Variants in NR6A1 observed in about 807,000 individuals in gnomAD.
The protein encoded by NR6A1 is nuclear receptor subfamily 6 group A member 1.
A neutral mutation model predicts 59.1 loss-of-function variants in NR6A1; 7 were observed. The observed-to-expected ratio is 0.12, with a 90% confidence interval of 0.07 to 0.22. The LOEUF (loss-of-function observed/expected upper bound fraction) is 0.22, where lower values mean the gene tolerates loss of function less well. Among genes scored for constraint, NR6A1 ranks in the 10% least tolerant of loss-of-function variants. The pLI, the probability that NR6A1 is intolerant of heterozygous loss-of-function variation, is 1.00. For missense variants in NR6A1, 468 were observed against 611.6 expected (o/e 0.77, Z 2.48); for synonymous variants, 243 against 236.1 (o/e 1.03, Z -0.27).
At chr9:124,564,033 G>C (rs1834161153) in intron 2 of NR6A1, among the ~76,000 whole-genome samples, 1 of 152,164 alleles carries the variant, frequency 6.6e-6, no homozygotes, top group African/African-American at 2.4e-5. Context: ...AGCTCTGACT[G>C]TGGCACTGTA....
intron 1 of NR6A1, among the ~76,000 whole-genome samples, chr9:124,760,039 C>CAA (rs1174587797): frequency 5.9e-4 from 57 of 97,184 alleles, no homozygotes; most frequent in African/African-American, 1.9e-3. Flanking sequence ...GACTCCATCT[C>CAA]AAAAAAAAAA....
Position 124,687,140 on chromosome 9 carries a change from G to A in NR6A1, c.142+46168C>T, listed in dbSNP as rs10986396. ...TTTTTCTTTCCTTTTAAGAGATCAGGTCAGGTCACACTCTGTCACTCAGGC... is the reference window on the plus strand; with the variant it reads ...TTTTTCTTTCCTTTTAAGAGATCAGATCAGGTCACACTCTGTCACTCAGGC... On this transcript the variant is annotated intron_variant, in intron 2 of 9. Coordinates refer to ENST00000487099, the MANE Select transcript of NR6A1 (RefSeq NM_033334.4). Among the ~76,000 whole-genome samples, 527 of 151,146 alleles carry A rather than the reference G, an allele frequency of 3.5e-3. 1 individual carries two copies. Among genetic ancestry groups the A allele is most frequent in the Non-Finnish European group, 5.7e-3 (388 of 67,890 alleles).
chr9:124,529,576 T>C (rs146045962), intron 7 of NR6A1, among the ~76,000 whole-genome samples: 1 of 152,222 alleles, frequency 6.6e-6, no homozygotes, highest in Non-Finnish European at 1.5e-5. Context: ...ATTCCAAGCA[T>C]ATGGACTTTT....
At chr9:124,730,461 CT>C (rs1380476936) in intron 2 of NR6A1, among the ~76,000 whole-genome samples, 1 of 151,956 alleles carries the variant, frequency 6.6e-6, no homozygotes, top group Non-Finnish European at 1.5e-5. Context: ...ACTCCTGATC[CT>C]GGGCTCAAAT....
intron 2 of NR6A1, among the ~76,000 whole-genome samples, chr9:124,595,370 T>C (rs959889785): frequency 1.3e-5 from 2 of 152,250 alleles, no homozygotes; most frequent in African/African-American, 4.8e-5. Flanking sequence ...CTTTGGCAGA[T>C]AGCGAACTGG....
intron 3 of NR6A1, among the ~76,000 whole-genome samples, chr9:124,549,773 T>C (rs1833713982): frequency 6.6e-6 from 1 of 152,218 alleles, no homozygotes; most frequent in South Asian, 2.1e-4. Flanking sequence ...CCTCCTCCTT[T>C]TAACAATGGA....
intron 2 of NR6A1, among the ~76,000 whole-genome samples, chr9:124,638,489 C>A (rs1220531667): frequency 6.6e-6 from 1 of 152,078 alleles, no homozygotes; most frequent in Non-Finnish European, 1.5e-5. Flanking sequence ...GACAGAGTTC[C>A]CAAAGCAAAG....
At chr9:124,618,718 G>C (rs149460762) in intron 2 of NR6A1, among the ~76,000 whole-genome samples, 1 of 152,246 alleles carries the variant, frequency 6.6e-6, no homozygotes, top group African/African-American at 2.4e-5. Context: ...ATCAAGAGGC[G>C]AGACACAACA....
chr9:124,557,384 C>A (rs1232445516), intron 2 of NR6A1, among the ~76,000 whole-genome samples: 2 of 152,064 alleles, frequency 1.3e-5, no homozygotes, highest in East Asian at 3.9e-4. Flanking sequence ...CCACCCACCT[C>A]GGCCTCCCAA....
chr9:124,648,998 G>A (rs776522529), intron 2 of NR6A1, among the ~76,000 whole-genome samples: 3 of 151,902 alleles, frequency 2.0e-5, no homozygotes, highest in Admixed American at 6.6e-5. Context: ...AAAGTGAAAG[G>A]ATATTGTTAA....
At chr9:124,562,860 T>A (rs183895900) in intron 2 of NR6A1, among the ~76,000 whole-genome samples, 1 of 152,184 alleles carries the variant, frequency 6.6e-6, no homozygotes, top group African/African-American at 2.4e-5. Context: ...CAGAGCACCA[T>A]TGACATGTGT....
At chr9:124,760,357 T>A (rs1261828151) in intron 1 of NR6A1, among the ~76,000 whole-genome samples, 3 of 151,940 alleles carry the variant, frequency 2.0e-5, no homozygotes, top group Non-Finnish European at 4.4e-5. Context: ...AAAGCCAGCA[T>A]GAGAGAAAAG....
chr9:124,519,042 GAACA>G lies in NR6A1; in HGVS notation c.*3659_*3662del, dbSNP rs2131304455. ...CAGTCCCATTCCCCCAGGAAATCAA[GAACA>G]AACAAACAAATGTAGGAAATGGGTA... is the stretch of plus-strand genomic sequence containing the variant. On this transcript the variant is annotated 3_prime_UTR_variant, in exon 10 of 10. Coordinates refer to ENST00000487099, the MANE Select transcript of NR6A1 (RefSeq NM_033334.4). 6.6e-6 allele frequency: 1 copy of G among 152,268 alleles called. No homozygotes were observed. Among genetic ancestry groups the G allele is most frequent in the Admixed American group, 6.5e-5 (1 of 15,286 alleles). 9.4% of individuals were successfully genotyped at this position (152,268 alleles called of 1,614,324 possible).
intron 2 of NR6A1, among the ~76,000 whole-genome samples, chr9:124,597,392 TG>T (rs2130813278): frequency 6.7e-6 from 1 of 150,320 alleles, no homozygotes; most frequent in South Asian, 2.1e-4. Flanking sequence ...GTGGAAAAAA[TG>T]GAAGGGGAAG....
chr9:124,736,335 G>C (rs938654964), intron 1 of NR6A1, among the ~76,000 whole-genome samples: 2 of 152,150 alleles, frequency 1.3e-5, no homozygotes, highest in African/African-American at 4.8e-5. Context: ...CAAAAATAGA[G>C]GGTGACTCAA....
Position 124,549,488 on chromosome 9 carries a change from G to T in NR6A1, c.385+4840C>A, listed in dbSNP as rs550505786. ...GGATACTAGTGCAGTAGTGGGGATG[G>T]ACAGACAGGGCCCAGTCTCCATTCA... On this transcript the variant is annotated intron_variant, in intron 3 of 9. Transcript: ENST00000487099. Among the ~76,000 whole-genome samples, 175 of 152,284 alleles carry T rather than the reference G, an allele frequency of 1.1e-3. 1 individual carries two copies. The highest frequency in any genetic ancestry group is 3.8e-3 in the African/African-American group (159 of 41,560).
chr9:124,770,349 A>T (rs2131219782), intron 1 of NR6A1: 2 of 143,322 alleles, frequency 1.4e-5, no homozygotes, highest in East Asian at 2.5e-4. Flanking sequence ...GGTCCGAAAA[A>T]GGAAACGACT....
intron 2 of NR6A1, among the ~76,000 whole-genome samples, chr9:124,620,925 CCTAA>C (rs780441274): frequency 3.3e-5 from 5 of 152,296 alleles, no homozygotes; most frequent in African/African-American, 7.2e-5. Flanking sequence ...ATTTCATCCT[CCTAA>C]CTATCATGTG....
At chr9:124,699,186 T>TA (rs935920660) in intron 2 of NR6A1, among the ~76,000 whole-genome samples, 1 of 152,202 alleles carries the variant, frequency 6.6e-6, no homozygotes, top group African/African-American at 2.4e-5. Context: ...CAAAGTATCC[T>TA]AGTCTCTGAT....
Sources: gnomAD v4.1 joint callset for allele counts (sites outside exome capture counted in the v4.1 genomes callset) on GRCh38, gnomAD v4.1.1 for gene constraint, MANE v1.5 for transcripts, NCBI Gene and HGNC (gene_info 2026-07-23, HGNC 2026-07-21) for gene names.